PDPR: variants seen among roughly 807,000 people sequenced by gnomAD.
The protein encoded by PDPR is pyruvate dehydrogenase phosphatase regulatory subunit, mitochondrial.
PDPR carries 50 observed loss-of-function variants against 102.2 expected under a neutral mutation model. The ratio of observed to expected loss-of-function variants is 0.49; its 90% CI spans 0.39 to 0.62. The LOEUF (loss-of-function observed/expected upper bound fraction) is 0.62, where lower values mean the gene tolerates loss of function less well. PDPR is among the 20% of genes least tolerant of loss of function. The pLI is 0.00. For synonymous variants in PDPR, 259 were observed against 406.0 expected, an observed-to-expected ratio of 0.64 and a Z score of 4.35; for missense variants, 625 against 1,098.2, an observed-to-expected ratio of 0.57 and a Z score of 6.09.
chr16:70,134,644 G>A (rs1964911239), intron 9 of PDPR, among the ~76,000 whole-genome samples: 1 of 151,692 alleles, frequency 6.6e-6, no homozygotes, highest in Admixed American at 6.6e-5. Context: ...AAATTAGCTG[G>A]ATGTGGTGGC....
At chr16:70,139,733 C>G (rs1382836650) in intron 11 of PDPR, among the ~76,000 whole-genome samples, 3 of 152,212 alleles carry the variant, frequency 2.0e-5, no homozygotes, top group African/African-American at 4.8e-5. Flanking sequence ...CACGTGGGTT[C>G]AAGTTGTAAT....
chr16:70,145,555 G>T (rs564680406), intron 15 of PDPR, among the ~76,000 whole-genome samples: 1 of 152,236 alleles, frequency 6.6e-6, no homozygotes, highest in Non-Finnish European at 1.5e-5. Context: ...CCCCACCAGC[G>T]TTTGCTCTCC....
intron 3 of PDPR, among the ~76,000 whole-genome samples, chr16:70,126,374 T>C (rs572411182): frequency 5.9e-5 from 9 of 152,318 alleles, no homozygotes; most frequent in Non-Finnish European, 1.0e-4. Context: ...TTTTTTTTAC[T>C]TTTTTTTGAG....
intron 17 of PDPR, among the ~76,000 whole-genome samples, chr16:70,151,030 G>T (rs888127237): frequency 6.6e-6 from 1 of 152,234 alleles, no homozygotes; most frequent in Non-Finnish European, 1.5e-5. Context: ...CACCTCCTGG[G>T]TTCAAGCGAT....
In PDPR at chr16:70,157,368, G is replaced by T; in HGVS notation, c.*489G>T. The stretch of plus-strand genomic sequence containing the variant: ...GGCAGCTCGTGCCTGCAGCCCGGCA[G>T]CTCGTTCTCCTGTTCTGCTGTGCTG... On this transcript the variant is annotated 3_prime_UTR_variant, in exon 19 of 19. Transcript: ENST00000288050. 2.7e-6 allele frequency: 1 copy of T among 370,498 alleles called. No individual in the cohort carries two copies. Among genetic ancestry groups the T allele is most frequent in the South Asian group, 2.0e-5 (1 of 49,408 alleles). 23.0% of individuals were successfully genotyped at this position (370,498 alleles called of 1,614,324 possible).
At chr16:70,118,293 T>C (rs1159816877) in intron 2 of PDPR, among the ~76,000 whole-genome samples, 1 of 152,180 alleles carries the variant, frequency 6.6e-6, no homozygotes, top group Non-Finnish European at 1.5e-5. Context: ...AGTGGGTCTA[T>C]AGGAAGGGTT....
At chr16:70,154,342 A>T (rs1400833568) in intron 18 of PDPR, among the ~76,000 whole-genome samples, 1 of 152,176 alleles carries the variant, frequency 6.6e-6, no homozygotes, top group Non-Finnish European at 1.5e-5. Context: ...AAAAGAAAAC[A>T]TAGTAAATAG....
chr16:70,130,662 T>G (rs1029937962), intron 7 of PDPR, 118 bp downstream of exon 7: 24 of 1,330,414 alleles, frequency 1.8e-5, no homozygotes, highest in Non-Finnish European at 2.4e-5. Context: ...CTACGCTGTT[T>G]CTTGTAGGGT....
chr16:70,142,763 C>T, intron 13 of PDPR, 77 bp downstream of exon 13: 1 of 1,585,308 alleles, frequency 6.3e-7, no homozygotes, highest in Middle Eastern at 1.7e-4. Context: ...TTTTCATCTT[C>T]AAAACTGATT....
At chr16:70,121,901 A>G (rs1320286842) in intron 3 of PDPR, among the ~76,000 whole-genome samples, 4 of 152,150 alleles carry the variant, frequency 2.6e-5, no homozygotes, top group Admixed American at 6.6e-5. Context: ...AGTAGCTGGG[A>G]CTACTGACAT....
Position 70,136,269 on chromosome 16 carries a change from C to T in PDPR, c.1073C>T (p.Pro358Leu), listed in dbSNP as rs758504861. The change falls in exon 10 of 19, where the codon CCA (proline) becomes CTA (leucine). Residue 358 changes from proline (P) to leucine (L), a missense_variant. By Grantham distance (98) the Pro-to-Leu change is moderately conservative. This residue lies in a region of PDPR where 50 missense variants were observed against 79.9 expected (regional missense o/e 0.63). Coordinates refer to ENST00000288050, the MANE Select transcript of PDPR (RefSeq NM_017990.5). ...GAGATCATGAAGTTGGTGAACTGCCCAGAGACCTTCACACCAGACATGAGG... is the reference window on the plus strand; with the variant it reads ...GAGATCATGAAGTTGGTGAACTGCCTAGAGACCTTCACACCAGACATGAGG... ...TLEIMKLVNCPETFTPDMRCI... is the reference protein window; with the variant it reads ...TLEIMKLVNCLETFTPDMRCI... 4 of 1,613,322 alleles carry T rather than the reference C, an allele frequency of 2.5e-6. No homozygotes were observed. In the South Asian group the frequency reaches 4.4e-5, roughly 18 times the overall value.
Position 70,129,490 on chromosome 16 carries a change from G to A in PDPR, c.607+368G>A, listed in dbSNP as rs544323686. ...CTCCCGAGTAGGTGGGACTACAGGC[G>A]TGCCCCACTACACCCGGCTAATTTT... On this transcript the variant is annotated intron_variant, in intron 6 of 18. Coordinates refer to ENST00000288050, the MANE Select transcript of PDPR (RefSeq NM_017990.5). Among the ~76,000 whole-genome samples the A allele has an allele frequency of 4.6e-5, 7 of 152,374 alleles. No individual in the cohort carries two copies. The East Asian group carries it at 5.8e-4, about 13-fold the overall frequency.
At chr16:70,114,790 G>C (rs1407794866) in intron 1 of PDPR, 31 bp from the exon 2 acceptor site, 1 of 152,298 alleles carries the variant, frequency 6.6e-6, no homozygotes, top group Non-Finnish European at 1.5e-5. Context: ...GCCAACTCCA[G>C]CTTGTCTAGC....
rs1227175976 is a variant in PDPR at position 70,136,523 on chromosome 16, T to C, written c.1190+137T>C. ...GTTAAGACTAATAAGAAGATACATGTAATTTTGGAGTTGTCCCCTTCTAAG... is the reference window on the plus strand; with the variant it reads ...GTTAAGACTAATAAGAAGATACATGCAATTTTGGAGTTGTCCCCTTCTAAG... On this transcript the variant is annotated intron_variant, in intron 10 of 18. Coordinates refer to ENST00000288050, the MANE Select transcript of PDPR (RefSeq NM_017990.5). The C allele has an allele frequency of 8.8e-6, 7 of 799,448 alleles. No individual in the cohort carries two copies. In the African/African-American group the frequency reaches 1.0e-4, roughly 12 times the overall value. The allele number at this position is 799,448 out of a possible 1,614,324, so 49.5% of individuals were successfully genotyped here.
rs563483383 is a variant in PDPR at position 70,143,365 on chromosome 16, C to A, written c.1606-145C>A. On this transcript the variant is annotated intron_variant, in intron 13 of 18. Transcript: ENST00000288050. ...CAATAGCTAGCGTTCCCTGGAGCTTCTTGCAGTGGAGTAGGTCTGCAAATG... is the reference window on the plus strand; with the variant it reads ...CAATAGCTAGCGTTCCCTGGAGCTTATTGCAGTGGAGTAGGTCTGCAAATG... The A allele has an allele frequency of 8.0e-5, 78 of 970,672 alleles. No individual in the cohort carries two copies. The Admixed American group carries it at 1.2e-3, about 15-fold the overall frequency. The allele number at this position is 970,672 out of a possible 1,614,324, so 60.1% of individuals were successfully genotyped here.
chr16:70,156,441 C>A, intron 18 of PDPR, 34 bp from the exon 19 acceptor site: 2 of 1,607,138 alleles, frequency 1.2e-6, no homozygotes, highest in South Asian at 2.2e-5. Context: ...GTCTGAGTGT[C>A]GCTGGATGAC....
intron 3 of PDPR, among the ~76,000 whole-genome samples, chr16:70,126,514 C>G (rs1373827859): frequency 6.6e-6 from 1 of 152,242 alleles, no homozygotes; most frequent in Non-Finnish European, 1.5e-5. Context: ...CAGGCGCCTG[C>G]CACAATGCCT....
chr16:70,151,235 A>AT (rs1456560317), intron 17 of PDPR, among the ~76,000 whole-genome samples: 2 of 152,070 alleles, frequency 1.3e-5, no homozygotes, highest in African/African-American at 4.8e-5. Flanking sequence ...CACCCGGCCT[A>AT]TTTTTTTATT....
chr16:70,126,233 A>G (rs1344848465), intron 3 of PDPR, among the ~76,000 whole-genome samples: 1 of 152,248 alleles, frequency 6.6e-6, no homozygotes, highest in African/African-American at 2.4e-5. Context: ...TATTTTAGAG[A>G]TGGGGTCTTG....
Sources: allele counts gnomAD v4.1 joint callset (sites outside exome capture counted in the v4.1 genomes callset), GRCh38; gene constraint gnomAD v4.1.1; regional missense constraint gnomAD v4.1.1; transcripts MANE v1.5; gene names NCBI Gene and HGNC (gene_info 2026-07-23, HGNC 2026-07-21).